Variants in AFG2B observed in about 807,000 individuals in gnomAD.
AFG2B encodes AAA ATPase AFG2B.
At chr15:45,414,748 T>G in the AFG2B span, 1 of 1,614,148 alleles carries the variant, frequency 6.2e-7, no homozygotes, top group Non-Finnish European at 8.5e-7. Context: ...GTTTTCACCG[T>G]TTGTTGGAGA....
At chr15:45,410,699 G>A in the AFG2B span, among the ~76,000 whole-genome samples, 6 of 152,132 alleles carry the variant, frequency 3.9e-5, no homozygotes, top group Non-Finnish European at 8.8e-5. Context: ...GACTTCTGTG[G>A]ATGTCTAAAC....
chr15:45,411,709 A>C, the AFG2B span, among the ~76,000 whole-genome samples: 159 of 152,208 alleles, frequency 1.0e-3, no homozygotes, highest in Non-Finnish European at 1.9e-3. Flanking sequence ...ACCCCAGGAC[A>C]CCCAGGAGAT....
At chr15:45,420,166 G>T in the AFG2B span, among the ~76,000 whole-genome samples, 69 of 152,262 alleles carry the variant, frequency 4.5e-4, no homozygotes, top group African/African-American at 1.6e-3. Flanking sequence ...CCATAGTTTT[G>T]TGTGTAGCAT....
chr15:45,420,956 C>T, the AFG2B span: 2 of 1,381,180 alleles, frequency 1.4e-6, no homozygotes, highest in Non-Finnish European at 2.0e-6. Flanking sequence ...CGTGCCACTG[C>T]ACTCCAGCCT....
At chr15:45,414,754 G>A in the AFG2B span, 1 of 1,614,014 alleles carries the variant, frequency 6.2e-7, no homozygotes, top group Non-Finnish European at 8.5e-7. Context: ...ACCGTTTGTT[G>A]GAGATTCAGA....
At chr15:45,417,388 C>G in the AFG2B span, 1 of 1,613,940 alleles carries the variant, frequency 6.2e-7, no homozygotes, top group African/African-American at 1.3e-5. Context: ...TATCCCACCT[C>G]CAGATCACAA....
chr15:45,408,164 A>G, the AFG2B span, among the ~76,000 whole-genome samples: 2 of 152,238 alleles, frequency 1.3e-5, no homozygotes, highest in African/African-American at 4.8e-5. Context: ...AGGAATGACA[A>G]TAAACATGAA....
chr15:45,414,317 G>A, the AFG2B span, among the ~76,000 whole-genome samples: 292 of 152,250 alleles, frequency 1.9e-3, 3 homozygotes, highest in African/African-American at 6.6e-3. Flanking sequence ...ATTATATAAG[G>A]CCTTGTCAGC....
the AFG2B span, among the ~76,000 whole-genome samples, chr15:45,414,199 G>C: frequency 6.6e-6 from 1 of 152,194 alleles, no homozygotes; most frequent in Non-Finnish European, 1.5e-5. Flanking sequence ...GCTGAGACCT[G>C]AGTGATGAGG....
At chr15:45,406,206 G>A in the AFG2B span, among the ~76,000 whole-genome samples, 4 of 152,100 alleles carry the variant, frequency 2.6e-5, no homozygotes, top group African/African-American at 7.2e-5. Flanking sequence ...TGGAATATTC[G>A]TCAGTTTGGG....
chr15:45,406,938 A>G, the AFG2B span: 1 of 1,061,488 alleles, frequency 9.4e-7, no homozygotes, highest in Admixed American at 2.3e-5. Context: ...CTGTGTGTAA[A>G]GATGTGAGAA....
the AFG2B span, chr15:45,415,534 C>T: frequency 7.6e-7 from 1 of 1,312,730 alleles, no homozygotes. Flanking sequence ...ATAGTAATAT[C>T]ACATGACTAA....
the AFG2B span, among the ~76,000 whole-genome samples, chr15:45,410,931 G>T: frequency 6.6e-6 from 1 of 152,188 alleles, no homozygotes; most frequent in Non-Finnish European, 1.5e-5. Flanking sequence ...GCTGGGCGCA[G>T]TGGCTCATAC....
At chr15:45,402,855 A>G in the AFG2B span, 9 of 1,598,280 alleles carry the variant, frequency 5.6e-6, no homozygotes, top group Non-Finnish European at 7.6e-6. Flanking sequence ...TGAGAAACCG[A>G]CCGATCTCCC....
chr15:45,416,710 T>TA, the AFG2B span: 1 of 152,318 alleles, frequency 6.6e-6, no homozygotes, highest in Non-Finnish European at 1.5e-5. Context: ...AGCTGCCTGA[T>TA]TATTCAACAA....
At chr15:45,415,461 A>G in the AFG2B span, 5 of 802,156 alleles carry the variant, frequency 6.2e-6, no homozygotes, top group South Asian at 1.9e-5. Context: ...TCGCATCACT[A>G]CACTCCAAAC....
chr15:45,417,287 A>T, the AFG2B span: 2 of 1,613,956 alleles, frequency 1.2e-6, no homozygotes, highest in African/African-American at 2.7e-5. Flanking sequence ...GAAGTTTTTA[A>T]CCGAAGTGTC....
At chr15:45,418,418 G>T in the AFG2B span, 9 of 553,064 alleles carry the variant, frequency 1.6e-5, no homozygotes, top group East Asian at 4.1e-5. Context: ...ATAAGCCATT[G>T]ATGACTTAGT....
At chr15:45,415,630 T>C in the AFG2B span, 1 of 1,614,040 alleles carries the variant, frequency 6.2e-7, no homozygotes, top group Non-Finnish European at 8.5e-7. Context: ...ATTTTGTTTT[T>C]GGATGAAATT....
Sources: gnomAD v4.1 joint callset for allele counts (sites outside exome capture counted in the v4.1 genomes callset) on GRCh38, gnomAD v4.1.1 for gene constraint, MANE v1.5 for transcripts, NCBI Gene and HGNC (gene_info 2026-07-23, HGNC 2026-07-21) for gene names.